The following BCLAF1 variants were observed in gnomAD, a reference collection of about 807,000 sequenced individuals.
BCLAF1 encodes the protein bcl-2-associated transcription factor 1.
A neutral mutation model predicts 99.5 loss-of-function variants in BCLAF1; 10 were observed. The observed-to-expected ratio is 0.10, with a 90% CI of 0.06 to 0.17. BCLAF1 has a LOEUF of 0.17. BCLAF1 is among the 10% of genes least tolerant of loss of function. The probability of loss-of-function intolerance (pLI) is 1.00; values close to 1 mark genes in which losing one functional copy is unlikely to be tolerated. For missense variants in BCLAF1, 636 were observed against 1,105.8 expected, an observed-to-expected ratio of 0.58 and a Z score of 6.02; for synonymous variants, 255 against 370.9, an observed-to-expected ratio of 0.69 and a Z score of 3.59.
intron 8 of BCLAF1, chr6:136,271,776 A>C (rs1584041186): frequency 2.9e-6 from 1 of 348,302 alleles, no homozygotes; most frequent in East Asian, 4.8e-5. Flanking sequence ...TCCTTTCATT[A>C]GTGTTTTGAA....
At chr6:136,277,513 T>A (rs892594766) in intron 4 of BCLAF1, among the ~76,000 whole-genome samples, 1 of 152,146 alleles carries the variant, frequency 6.6e-6, no homozygotes, top group Non-Finnish European at 1.5e-5. Flanking sequence ...AGAGGAGGGA[T>A]AGAAATTAGG....
chr6:136,271,056 T>TA (rs1330119165), intron 8 of BCLAF1, among the ~76,000 whole-genome samples: 5 of 151,784 alleles, frequency 3.3e-5, no homozygotes, highest in Admixed American at 1.3e-4. Context: ...CATGCCCTAT[T>TA]AAACTTGTAT....
intron 4 of BCLAF1, among the ~76,000 whole-genome samples, chr6:136,277,157 G>A (rs1783542575): frequency 6.6e-6 from 1 of 152,128 alleles, no homozygotes; most frequent in South Asian, 2.1e-4. Context: ...AATTTTCACT[G>A]TTAGCAACTT....
intron 3 of BCLAF1, among the ~76,000 whole-genome samples, chr6:136,278,994 A>ACACAC (rs1554219524): frequency 2.7e-4 from 40 of 145,492 alleles, no homozygotes; most frequent in Non-Finnish European, 3.6e-4. Context: ...GAAGGCACAA[A>ACACAC]ACACACACAC....
Position 136,268,382 on chromosome 6 carries a change from A to T in BCLAF1, c.2220-43T>A, listed in dbSNP as rs373608999. ...CAAAAAATGTGATACTTTTAAAAAG[A>T]TAAAGACCCTGCTGAATCTTACAAC... On this transcript the variant is annotated intron_variant, in intron 9 of 12. Transcript: ENST00000531224. The T allele has an allele frequency of 1.4e-5, 21 of 1,508,754 alleles. No individual in the cohort carries two copies. In the East Asian group the frequency reaches 3.3e-4, roughly 24 times the overall value. 93.5% of individuals were successfully genotyped at this position (1,508,754 alleles called of 1,614,324 possible). A position where few individuals can be genotyped will look rare whatever the true frequency, so the allele number is the denominator to read the frequency against.
Position 136,278,338 on chromosome 6 carries a change from A to C in BCLAF1, c.543T>G (p.Ser181Arg), listed in dbSNP as rs775410753. The change falls in exon 4 of 13, where the codon AGT becomes AGG. Residue 181 changes from serine to arginine, a missense_variant. Ser to Arg is a moderately radical substitution (Grantham distance 110, BLOSUM62 -1). This residue lies in a region of BCLAF1 where 65 missense variants were observed against 90.9 expected (regional missense o/e 0.71). Coordinates refer to ENST00000531224, the MANE Select transcript of BCLAF1 (RefSeq NM_014739.3). ...TATCTTTCGGTTCCTCCTGTGATTT[A>C]CTTTTCAACGGACTCTCTTCTTGGG... ...GEPQEESPLK[S>R]KSQEEPKDTF... 2.5e-6 allele frequency: 4 copies of C among 1,614,152 alleles called. No homozygotes were observed. In the South Asian group the frequency reaches 3.3e-5, roughly 13 times the overall value.
At chr6:136,262,182 C>CA (rs1411734763) in intron 11 of BCLAF1, among the ~76,000 whole-genome samples, 1 of 152,000 alleles carries the variant, frequency 6.6e-6, no homozygotes, top group African/African-American at 2.4e-5. Flanking sequence ...TTCTATTAAG[C>CA]AAAACAATCT....
rs879437237 is a variant in BCLAF1, at chr6:136,256,711, T to TAAA, written c.*4398_*4399insTTT. On this transcript the variant is annotated 3_prime_UTR_variant, in exon 13 of 13. Transcript: ENST00000531224. ...AATAAATAAATAAATAAATAAATAATTCAAAGTGCATTTAACATTCTTTTT... is the reference window on the plus strand; with the variant it reads ...AATAAATAAATAAATAAATAAATAATAAATCAAAGTGCATTTAACATTCTTTTT... 17 of 134,366 alleles carry TAAA rather than the reference T, an allele frequency of 1.3e-4. No individual in the cohort carries two copies. The highest frequency in any genetic ancestry group is 4.8e-4 in the South Asian group (2 of 4,192). The allele number at this position is 134,366 out of a possible 1,614,324, so 8.3% of individuals were successfully genotyped here.
At position 136,260,916 on chromosome 6, in the gene BCLAF1, T is replaced by A; in HGVS notation, c.*194A>T. ...ATATGGTACGTAACAATTTTCTACT[T>A]TATTTCAGTACAATTTTCAACATAC... On this transcript the variant is annotated 3_prime_UTR_variant, in exon 13 of 13. Coordinates refer to ENST00000531224, the MANE Select transcript of BCLAF1 (RefSeq NM_014739.3). 1 of 565,838 alleles carries A rather than the reference T, an allele frequency of 1.8e-6. No individual in the cohort carries two copies. The highest frequency in any genetic ancestry group is 2.0e-5 in the African/African-American group (1 of 50,680). 35.1% of individuals were successfully genotyped at this position (565,838 alleles called of 1,614,324 possible).
At chr6:136,279,025 ACG>A (rs1491584674) in intron 3 of BCLAF1, among the ~76,000 whole-genome samples, 5 of 145,998 alleles carry the variant, frequency 3.4e-5, no homozygotes, top group Non-Finnish European at 5.9e-5. Context: ...ACACACACAC[ACG>A]CATGTGTTAT....
At chr6:136,280,149 G>A (rs1490918669) in intron 2 of BCLAF1, among the ~76,000 whole-genome samples, 1 of 152,168 alleles carries the variant, frequency 6.6e-6, no homozygotes, top group African/African-American at 2.4e-5. Flanking sequence ...GGCAGCAGCT[G>A]CAGAAGCCAG....
intron 6 of BCLAF1, among the ~76,000 whole-genome samples, chr6:136,275,110 T>A (rs1267181887): frequency 1.3e-5 from 2 of 152,066 alleles, no homozygotes; most frequent in African/African-American, 4.8e-5. Context: ...GAAAAGAAAT[T>A]CTTAGAAATA....
intron 11 of BCLAF1, among the ~76,000 whole-genome samples, chr6:136,264,930 A>G (rs1174155644): frequency 6.6e-6 from 1 of 152,206 alleles, no homozygotes; most frequent in East Asian, 1.9e-4. Flanking sequence ...TTAAAATAAG[A>G]CAGTTCTTAA....
At chr6:136,284,130 G>GTGTGTGTGTGTATA (rs36141174) in intron 1 of BCLAF1, among the ~76,000 whole-genome samples, 4 of 122,120 alleles carry the variant, frequency 3.3e-5, no homozygotes, top group African/African-American at 1.6e-4. Flanking sequence ...GTGTGTGTGT[G>GTGTGTGTGTGTATA]TATATATATA....
chr6:136,257,941 A>G lies in BCLAF1; in HGVS notation c.*3169T>C, dbSNP rs573612479. Reference sequence around the variant, plus strand: ...ATACTTTTATATAAGAAATTTGTATATAACATTACAATTATCCAGTATAAT... The same window carrying G: ...ATACTTTTATATAAGAAATTTGTATGTAACATTACAATTATCCAGTATAAT... On this transcript the variant is annotated 3_prime_UTR_variant, in exon 13 of 13. Coordinates refer to ENST00000531224, the MANE Select transcript of BCLAF1 (RefSeq NM_014739.3). 1.3e-5 allele frequency: 2 copies of G among 152,314 alleles called. No individual in the cohort carries two copies. Among genetic ancestry groups the G allele is most frequent in the East Asian group, 1.9e-4 (1 of 5,192 alleles). 9.4% of individuals were successfully genotyped at this position (152,314 alleles called of 1,614,324 possible).
Position 136,260,311 on chromosome 6 carries a change from AG to A in BCLAF1, c.*798del, listed in dbSNP as rs1780806514. The stretch of plus-strand genomic sequence containing the variant: ...CAGTAGAAATGGGGTTTCTATTTGC[AG>A]TATTGTTACAAACCAGTTTCCTCTC... On this transcript the variant is annotated 3_prime_UTR_variant, in exon 13 of 13. Coordinates refer to ENST00000531224, the MANE Select transcript of BCLAF1 (RefSeq NM_014739.3). 6.6e-6 allele frequency: 1 copy of A among 152,034 alleles called. No individual in the cohort carries two copies. The highest frequency in any genetic ancestry group is 1.5e-5 in the Non-Finnish European group (1 of 67,912). 9.4% of individuals were successfully genotyped at this position (152,034 alleles called of 1,614,324 possible).
intron 2 of BCLAF1, among the ~76,000 whole-genome samples, chr6:136,281,345 A>G (rs1215028192): frequency 6.6e-6 from 1 of 152,210 alleles, no homozygotes; most frequent in African/African-American, 2.4e-5. Flanking sequence ...TGTAGAACAC[A>G]AATTTGGTTT....
At position 136,264,997 on chromosome 6, in the gene BCLAF1, T is replaced by TA. The variant is rs528561964; in HGVS notation, c.2544+2031dup. ...AAATGAGTATGTACTTGTTAAGGGTTAGCAGACTCAAGAGAATGCCATAGA... is the reference window on the plus strand; with the variant it reads ...AAATGAGTATGTACTTGTTAAGGGTTAAGCAGACTCAAGAGAATGCCATAGA... On this transcript the variant is annotated intron_variant, in intron 11 of 12. Coordinates refer to ENST00000531224, the MANE Select transcript of BCLAF1 (RefSeq NM_014739.3). Among the ~76,000 whole-genome samples the TA allele has an allele frequency of 3.3e-5, 5 of 152,192 alleles. No individual in the cohort carries two copies. In the South Asian group the frequency reaches 1.0e-3, roughly 32 times the overall value.
rs376569444 is a variant in BCLAF1, at chr6:136,275,969, A to G, written c.1556T>C (p.Leu519Pro). 6.2e-7 allele frequency: 1 copy of G among 1,612,702 alleles called. No individual in the cohort carries two copies. The highest frequency in any genetic ancestry group is 2.2e-5 in the East Asian group (1 of 44,800). Residue 519 changes from leucine to proline, a missense_variant, in exon 5 of 13, where the codon CTG (leucine) becomes CCG (proline). Physicochemically the swap from Leu to Pro is moderately conservative, Grantham distance 98. Coordinates refer to ENST00000531224, the MANE Select transcript of BCLAF1 (RefSeq NM_014739.3). Reference protein sequence around the residue: ...FDYSPPLHKNLDAREKSTFRE... With the variant: ...FDYSPPLHKNPDAREKSTFRE... ...GAAGGTAGACTTTTCTCGTGCATCC[A>G]GATTCTTGTGTAGAGGGGGACTGTA... is the stretch of plus-strand genomic sequence containing the variant.
Sources: gnomAD v4.1 joint callset for allele counts (sites outside exome capture counted in the v4.1 genomes callset) on GRCh38, gnomAD v4.1.1 for gene constraint, gnomAD v4.1.1 regional missense constraint, MANE v1.5 for transcripts, NCBI Gene and HGNC (gene_info 2026-07-23, HGNC 2026-07-21) for gene names.